The following SCFD2 variants were observed in gnomAD, a reference collection of about 807,000 sequenced individuals.
SCFD2 encodes sec1 family domain-containing protein 2.
Under a neutral mutation model 58.9 loss-of-function variants are expected in SCFD2, and 54 were observed. The observed-to-expected ratio is 0.92, with a 90% confidence interval of 0.74 to 1.15. The LOEUF (loss-of-function observed/expected upper bound fraction) is 1.15, where lower values mean the gene tolerates loss of function less well. Ranked by LOEUF, SCFD2 falls within the 50% of genes most tolerant of loss-of-function variation. The pLI is 0.00. For missense variants in SCFD2, 805 were observed against 836.6 expected (o/e 0.96, Z 0.47); for synonymous variants, 321 against 335.9 (o/e 0.96, Z 0.49).
intron 5 of SCFD2, among the ~76,000 whole-genome samples, chr4:53,012,004 T>C (rs1257459014): frequency 1.4e-5 from 1 of 69,782 alleles, no homozygotes; most frequent in Non-Finnish European, 3.0e-5. Context: ...TTTTAGGCTT[T>C]TTTTTTTTTT....
At chr4:53,132,158 G>A (rs1016857550) in intron 5 of SCFD2, among the ~76,000 whole-genome samples, 3 of 152,174 alleles carry the variant, frequency 2.0e-5, no homozygotes, top group African/African-American at 7.2e-5. Flanking sequence ...ACCTCAATAG[G>A]AAGCTCTAAG....
chr4:52,882,130 G>A (rs1045647250), intron 8 of SCFD2, among the ~76,000 whole-genome samples: 9 of 152,164 alleles, frequency 5.9e-5, no homozygotes, highest in Non-Finnish European at 8.8e-5. Flanking sequence ...GTTGAGGAGA[G>A]CTGCAACATC....
chr4:52,961,138 A>G (rs147635132), intron 5 of SCFD2, among the ~76,000 whole-genome samples: 27 of 152,314 alleles, frequency 1.8e-4, no homozygotes, highest in Admixed American at 1.8e-3. Flanking sequence ...CCCGTGATTC[A>G]GAACTTTACC....
intron 5 of SCFD2, among the ~76,000 whole-genome samples, chr4:53,125,080 C>T (rs879145084): frequency 6.6e-6 from 1 of 152,084 alleles, no homozygotes; most frequent in South Asian, 2.1e-4. Flanking sequence ...TCCCTAGGAT[C>T]CTCGCAAATC....
chr4:52,924,382 G>A (rs1719814298), intron 5 of SCFD2, among the ~76,000 whole-genome samples: 1 of 152,098 alleles, frequency 6.6e-6, no homozygotes, highest in Non-Finnish European at 1.5e-5. Flanking sequence ...GGTTACTACT[G>A]GTAAATTGAA....
chr4:53,115,377 G>A (rs1481698932), intron 5 of SCFD2, among the ~76,000 whole-genome samples: 1 of 152,084 alleles, frequency 6.6e-6, no homozygotes, highest in Non-Finnish European at 1.5e-5. Context: ...AATATACAGT[G>A]AGAACCTGTT....
chr4:52,896,977 G>A (rs1338893033), intron 7 of SCFD2, among the ~76,000 whole-genome samples: 1 of 152,202 alleles, frequency 6.6e-6, no homozygotes, highest in Non-Finnish European at 1.5e-5. Context: ...TGGTGTATAA[G>A]AATGCTTGTC....
At chr4:53,196,506 C>T (rs1168942263) in intron 4 of SCFD2, among the ~76,000 whole-genome samples, 1 of 152,090 alleles carries the variant, frequency 6.6e-6, no homozygotes, top group Non-Finnish European at 1.5e-5. Flanking sequence ...TTCCGTTTTG[C>T]CTGCCTAAGC....
At chr4:53,340,684 G>A (rs577017876) in intron 2 of SCFD2, among the ~76,000 whole-genome samples, 6 of 152,222 alleles carry the variant, frequency 3.9e-5, no homozygotes, top group Admixed American at 2.0e-4. Context: ...CCTCACCCCC[G>A]AGTAGCCCAA....
At chr4:53,293,174 G>A (rs1353278437) in intron 3 of SCFD2, among the ~76,000 whole-genome samples, 1 of 152,094 alleles carries the variant, frequency 6.6e-6, no homozygotes, top group Non-Finnish European at 1.5e-5. Flanking sequence ...GGAGCTGGAA[G>A]ACATTATCCT....
intron 5 of SCFD2, among the ~76,000 whole-genome samples, chr4:53,011,805 G>A (rs1374160877): frequency 5.9e-5 from 9 of 152,136 alleles, no homozygotes; most frequent in African/African-American, 1.9e-4. Context: ...GTGACAACCT[G>A]TGGCCTGGAA....
At chr4:53,215,392 G>C (rs1368213641) in intron 4 of SCFD2, among the ~76,000 whole-genome samples, 2 of 151,978 alleles carry the variant, frequency 1.3e-5, no homozygotes, top group African/African-American at 2.4e-5. Flanking sequence ...TGGATTCCTA[G>C]GTATTTTATT....
intron 5 of SCFD2, chr4:52,948,352 A>C (rs1319085099): frequency 3.4e-6 from 1 of 291,594 alleles, no homozygotes; most frequent in Non-Finnish European, 7.0e-6. Flanking sequence ...ATGATGATGC[A>C]GCTGCGGCAC....
chr4:53,327,194 C>A (rs1304655326), intron 2 of SCFD2, among the ~76,000 whole-genome samples: 1 of 151,608 alleles, frequency 6.6e-6, no homozygotes, highest in African/African-American at 2.4e-5. Flanking sequence ...TAGCCGAATA[C>A]AAGGTGTTGG....
At chr4:53,180,155 T>TA (rs929382355) in intron 4 of SCFD2, among the ~76,000 whole-genome samples, 13 of 152,300 alleles carry the variant, frequency 8.5e-5, no homozygotes, top group African/African-American at 2.6e-4. Flanking sequence ...GCGGACCTAA[T>TA]AGACATCGAC....
At chr4:53,247,670 T>C (rs1469454459) in intron 4 of SCFD2, among the ~76,000 whole-genome samples, 2 of 150,416 alleles carry the variant, frequency 1.3e-5, no homozygotes, top group African/African-American at 4.9e-5. Flanking sequence ...CCATCCTGGC[T>C]AACAAGGTGA....
chr4:53,249,075 T>C (rs1006807033), intron 4 of SCFD2, among the ~76,000 whole-genome samples: 2 of 152,138 alleles, frequency 1.3e-5, no homozygotes, highest in African/African-American at 2.4e-5. Flanking sequence ...TAGACGATTG[T>C]ATTAAATAGA....
chr4:53,218,193 T>G (rs1728920017), intron 4 of SCFD2, among the ~76,000 whole-genome samples: 1 of 152,210 alleles, frequency 6.6e-6, no homozygotes, highest in Non-Finnish European at 1.5e-5. Flanking sequence ...TTGGCCTGCC[T>G]TGCTAGATTG....
At position 53,293,469 on chromosome 4, in the gene SCFD2, T is replaced by A. The variant is rs190821412; in HGVS notation, c.1136-19468A>T. On this transcript the variant is annotated intron_variant, in intron 3 of 8. Coordinates refer to ENST00000401642, the MANE Select transcript of SCFD2 (RefSeq NM_152540.4). Reference sequence around the variant, plus strand: ...ATGTACCCCGGATGTTAAAATAAAATAAAATGACATATGCAAATCATATAC... The same window carrying A: ...ATGTACCCCGGATGTTAAAATAAAAAAAAATGACATATGCAAATCATATAC... Among the ~76,000 whole-genome samples the A allele has an allele frequency of 3.8e-3, 571 of 152,170 alleles. 3 individuals are homozygous for A. The highest frequency in any genetic ancestry group is 6.2e-3 in the Non-Finnish European group (422 of 67,986).
Sources: allele counts gnomAD v4.1 joint callset (sites outside exome capture counted in the v4.1 genomes callset), GRCh38; gene constraint gnomAD v4.1.1; transcripts MANE v1.5; gene names NCBI Gene and HGNC (gene_info 2026-07-23, HGNC 2026-07-21).